IFT25: variants seen among roughly 807,000 people sequenced by gnomAD.
IFT25 encodes intraflagellar transport 25.
the IFT25 span, chr1:53,929,569 G>C: frequency 6.6e-6 from 1 of 152,514 alleles, no homozygotes; most frequent in East Asian, 1.9e-4. Context: ...CTAAATTCCT[G>C]AGAAAATGCC....
At chr1:53,913,837 G>A in the IFT25 span, among the ~76,000 whole-genome samples, 1 of 152,132 alleles carries the variant, frequency 6.6e-6, no homozygotes, top group African/African-American at 2.4e-5. Context: ...CACACACAAA[G>A]AGCTCGTGTG....
chr1:53,928,244 C>T, the IFT25 span: 2 of 711,510 alleles, frequency 2.8e-6, no homozygotes, highest in African/African-American at 1.8e-5. Context: ...TCTTTCTAGA[C>T]CCTAAATGTG....
the IFT25 span, among the ~76,000 whole-genome samples, chr1:53,925,112 T>C: frequency 6.6e-6 from 1 of 152,204 alleles, no homozygotes; most frequent in Non-Finnish European, 1.5e-5. Flanking sequence ...AATTTTTTAC[T>C]GACTTTATAT....
chr1:53,940,476 A>G, the IFT25 span, among the ~76,000 whole-genome samples: 847 of 152,356 alleles, frequency 5.6e-3, 4 homozygotes, highest in African/African-American at 0.019. Context: ...GGACAAATAG[A>G]AAACAAATAG....
the IFT25 span, among the ~76,000 whole-genome samples, chr1:53,917,382 C>T: frequency 6.6e-6 from 1 of 152,142 alleles, no homozygotes; most frequent in African/African-American, 2.4e-5. Flanking sequence ...GTTCTATATG[C>T]ATCTCATATG....
At chr1:53,921,707 C>A in the IFT25 span, 1 of 1,613,800 alleles carries the variant, frequency 6.2e-7, no homozygotes, top group South Asian at 1.1e-5. Context: ...TGCACAGATG[C>A]AAAATGATCA....
chr1:53,940,076 T>C, the IFT25 span: 123 of 1,593,944 alleles, frequency 7.7e-5, no homozygotes, highest in South Asian at 7.8e-4. Context: ...AGATCAATTT[T>C]TCTCATCTTA....
At chr1:53,940,954 A>AT in the IFT25 span, among the ~76,000 whole-genome samples, 32 of 147,550 alleles carry the variant, frequency 2.2e-4, no homozygotes, top group Non-Finnish European at 3.5e-4. Context: ...CCAAAAAAAA[A>AT]TTTTTTTTTT....
the IFT25 span, among the ~76,000 whole-genome samples, chr1:53,933,015 CTAACTA>C: frequency 6.6e-6 from 1 of 152,130 alleles, no homozygotes; most frequent in Admixed American, 6.5e-5. Flanking sequence ...ATTAAAATCT[CTAACTA>C]TAACTGTGAA....
At chr1:53,939,099 A>T in the IFT25 span, among the ~76,000 whole-genome samples, 3 of 150,500 alleles carry the variant, frequency 2.0e-5, no homozygotes, top group South Asian at 6.3e-4. Flanking sequence ...AAAAAAAAAA[A>T]AGAGTTCTCA....
the IFT25 span, among the ~76,000 whole-genome samples, chr1:53,945,327 C>T: frequency 6.6e-6 from 1 of 152,232 alleles, no homozygotes; most frequent in Non-Finnish European, 1.5e-5. Context: ...GACGCTATTT[C>T]TGGCCTCAAA....
At chr1:53,913,300 C>T in the IFT25 span, among the ~76,000 whole-genome samples, 1 of 152,112 alleles carries the variant, frequency 6.6e-6, no homozygotes, top group Non-Finnish European at 1.5e-5. Flanking sequence ...TTAATTTTTC[C>T]CTCTGCCTGA....
the IFT25 span, among the ~76,000 whole-genome samples, chr1:53,932,992 C>T: frequency 6.6e-6 from 1 of 152,170 alleles, no homozygotes; most frequent in Non-Finnish European, 1.5e-5. Context: ...TCTATCATTA[C>T]TGAGAAAAGG....
At chr1:53,940,784 A>G in the IFT25 span, among the ~76,000 whole-genome samples, 1 of 152,072 alleles carries the variant, frequency 6.6e-6, no homozygotes, top group Non-Finnish European at 1.5e-5. Flanking sequence ...ATCATGGCTC[A>G]CTGCAGCCCT....
chr1:53,922,681 G>T, the IFT25 span, among the ~76,000 whole-genome samples: 2 of 152,126 alleles, frequency 1.3e-5, no homozygotes, highest in African/African-American at 4.8e-5. Context: ...TTACAGAGGG[G>T]ACAAACTGTG....
At chr1:53,942,545 T>C in the IFT25 span, among the ~76,000 whole-genome samples, 1 of 152,150 alleles carries the variant, frequency 6.6e-6, no homozygotes, top group African/African-American at 2.4e-5. Flanking sequence ...ACCTGAAATA[T>C]TTACTATTTG....
At chr1:53,923,927 GC>G in the IFT25 span, 1 of 1,594,724 alleles carries the variant, frequency 6.3e-7, no homozygotes. Context: ...TTTTGAAGCT[GC>G]CCCTCTGTGT....
At chr1:53,940,118 A>G in the IFT25 span, 59 of 1,219,536 alleles carry the variant, frequency 4.8e-5, 1 homozygote, top group South Asian at 6.7e-4. Context: ...AAAAATAACA[A>G]AAAAAGCAAC....
the IFT25 span, chr1:53,921,658 G>GA: frequency 1.9e-6 from 3 of 1,581,228 alleles, no homozygotes; most frequent in Non-Finnish European, 2.6e-6. Flanking sequence ...TCATTATGAG[G>GA]AAAGATTTGA....
Sources: allele counts gnomAD v4.1 joint callset (sites outside exome capture counted in the v4.1 genomes callset), GRCh38; gene constraint gnomAD v4.1.1; transcripts MANE v1.5; gene names NCBI Gene and HGNC (gene_info 2026-07-23, HGNC 2026-07-21).